Variants in OTUB2 observed in about 807,000 individuals in gnomAD.
OTUB2 encodes ubiquitin thioesterase OTUB2.
Under a neutral mutation model 25.1 loss-of-function variants are expected in OTUB2, and 21 were observed. That is an observed-to-expected ratio of 0.84 (90% CI 0.59 to 1.21). OTUB2 has a LOEUF of 1.21. Among genes scored for constraint, OTUB2 ranks in the 50% most tolerant of loss-of-function variants. The pLI is 0.00. For synonymous variants in OTUB2, 122 were observed against 122.8 expected (o/e 0.99, Z 0.04); for missense variants, 283 against 298.0 (o/e 0.95, Z 0.37).
chr14:94,034,840 G>T (rs148319639), intron 1 of OTUB2, among the ~76,000 whole-genome samples: 19 of 152,228 alleles, frequency 1.2e-4, no homozygotes, highest in African/African-American at 4.3e-4. Flanking sequence ...TTCCCCAGAA[G>T]TCCCCAGCAG....
intron 1 of OTUB2, among the ~76,000 whole-genome samples, chr14:94,028,528 G>A (rs1342980734): frequency 3.1e-4 from 47 of 152,250 alleles, no homozygotes; most frequent in Non-Finnish European, 1.5e-5. Context: ...TAGGGTTCTC[G>A]TGCACTCAAG....
At chr14:94,027,809 G>A (rs1884891708) in intron 1 of OTUB2, among the ~76,000 whole-genome samples, 1 of 152,210 alleles carries the variant, frequency 6.6e-6, no homozygotes, top group Non-Finnish European at 1.5e-5. Context: ...TGCTGCCTGG[G>A]GCATAGCTGG....
intron 3 of OTUB2, chr14:94,039,290 GA>G (rs1885115361): frequency 1.0e-5 from 6 of 590,274 alleles, no homozygotes; most frequent in Admixed American, 3.1e-5. Flanking sequence ...TGGAATCTGT[GA>G]CCTCCCAGAT....
At position 94,044,693 on chromosome 14, in the gene OTUB2, G is replaced by T; in HGVS notation, c.411G>T (p.Leu137=). Residue 137 remains leucine, a synonymous_variant, in exon 5 of 6, where the codon CTG becomes CTT. Transcript: ENST00000203664. ...ASDHIVQFLR[L]LTSAFIRNRA... ...ACCACATCGTGCAGTTCCTGCGCCT[G>T]CTCACGTCGGCCTTCATCAGGAACC... 6.2e-7 allele frequency: 1 copy of T among 1,614,114 alleles called. No individual in the cohort carries two copies. Among genetic ancestry groups the T allele is most frequent in the Non-Finnish European group, 8.5e-7 (1 of 1,180,044 alleles).
chr14:94,034,650 A>G (rs1885017394), intron 1 of OTUB2, among the ~76,000 whole-genome samples: 1 of 152,218 alleles, frequency 6.6e-6, no homozygotes, highest in Admixed American at 6.5e-5. Context: ...TTGCACAATA[A>G]TGGCACCTGT....
intron 1 of OTUB2, among the ~76,000 whole-genome samples, chr14:94,028,749 A>G (rs536427693): frequency 6.6e-6 from 1 of 152,380 alleles, no homozygotes; most frequent in South Asian, 2.1e-4. Context: ...GGACACAAGC[A>G]GTGTCTGAGC....
At chr14:94,045,296 G>A (rs1409840301) in intron 5 of OTUB2, among the ~76,000 whole-genome samples, 2 of 152,040 alleles carry the variant, frequency 1.3e-5, no homozygotes, top group Non-Finnish European at 1.5e-5. Flanking sequence ...TGCAGCACCC[G>A]GACTCGCACC....
chr14:94,037,631 C>T (rs944374929), intron 2 of OTUB2, among the ~76,000 whole-genome samples, 156 bp downstream of exon 2: 2 of 147,634 alleles, frequency 1.4e-5, no homozygotes, highest in Admixed American at 6.8e-5. Flanking sequence ...TTTGCCTTAG[C>T]GATAAATCCT....
At chr14:94,043,195 C>T (rs1885196990) in intron 3 of OTUB2, among the ~76,000 whole-genome samples, 1 of 152,218 alleles carries the variant, frequency 6.6e-6, no homozygotes, top group East Asian at 1.9e-4. Flanking sequence ...CTCTGTATTC[C>T]CTTGTGAACC....
chr14:94,035,169 A>G (rs1885027245), intron 1 of OTUB2, among the ~76,000 whole-genome samples: 1 of 152,090 alleles, frequency 6.6e-6, no homozygotes, highest in East Asian at 1.9e-4. Context: ...TACAGAGTGG[A>G]AGCTTCTGGA....
In OTUB2 at chr14:94,044,653, A is replaced by G; in HGVS notation, c.371A>G (p.Asp124Gly). 3 of 1,614,180 alleles carry G rather than the reference A, an allele frequency of 1.9e-6. No individual in the cohort carries two copies. The highest frequency in any genetic ancestry group is 2.5e-6 in the Non-Finnish European group (3 of 1,180,010). The change falls in exon 5 of 6, where the codon GAC (aspartate) becomes GGC (glycine). Residue 124 changes from aspartate to glycine, a missense_variant. Coordinates refer to ENST00000203664, the MANE Select transcript of OTUB2 (RefSeq NM_023112.4). Reference protein sequence around the residue: ...SVSSLLKVFNDQSASDHIVQF... With the variant: ...SVSSLLKVFNGQSASDHIVQF... ...TCCAGCCTGCTGAAGGTGTTCAACG[A>G]CCAGAGTGCCTCGGACCACATCGTG... is the stretch of plus-strand genomic sequence containing the variant.
intron 1 of OTUB2, among the ~76,000 whole-genome samples, chr14:94,035,165 G>A (rs1346890595): frequency 6.6e-6 from 1 of 152,102 alleles, no homozygotes; most frequent in Admixed American, 6.5e-5. Context: ...TCGGTACAGA[G>A]TGGAAGCTTC....
At chr14:94,027,973 G>A (rs1320003922) in intron 1 of OTUB2, among the ~76,000 whole-genome samples, 1 of 152,208 alleles carries the variant, frequency 6.6e-6, no homozygotes, top group African/African-American at 2.4e-5. Flanking sequence ...TTAGCCACCC[G>A]GGAGCTGGAG....
intron 1 of OTUB2, among the ~76,000 whole-genome samples, chr14:94,028,828 T>A (rs1176084631): frequency 2.0e-5 from 3 of 151,434 alleles, no homozygotes; most frequent in Middle Eastern, 3.4e-3. Flanking sequence ...TCTGAGGGAG[T>A]GGGGGTGTTG....
At chr14:94,044,112 G>A (rs1885215924) in intron 4 of OTUB2, 57 bp downstream of exon 4, 1 of 1,513,702 alleles carries the variant, frequency 6.6e-7, no homozygotes, top group Non-Finnish European at 9.2e-7. Context: ...GTGGGCACTG[G>A]CTGGAGCCCC....
chr14:94,034,710 T>C (rs1341343209), intron 1 of OTUB2, among the ~76,000 whole-genome samples: 2 of 152,234 alleles, frequency 1.3e-5, no homozygotes, highest in Non-Finnish European at 2.9e-5. Flanking sequence ...CAGATCATCT[T>C]CCATGTGTTG....
Position 94,037,387 on chromosome 14 carries a change from C to T in OTUB2, c.11C>T (p.Thr4Ile). The T allele has an allele frequency of 6.3e-7, 1 of 1,583,038 alleles. No individual in the cohort carries two copies. The highest frequency in any genetic ancestry group is 8.7e-7 in the Non-Finnish European group (1 of 1,153,062). The change falls in exon 2 of 6, where the codon ACA (threonine) becomes ATA (isoleucine). Residue 4 changes from threonine to isoleucine, a missense_variant. Coordinates refer to ENST00000203664, the MANE Select transcript of OTUB2 (RefSeq NM_023112.4). MSE[T>I]SFNLISEKCD... Reference sequence around the variant, plus strand: ...TCCTTCCCTATCTTTCAGAGTGAAACATCTTTCAACCTAATATCAGAAAAA... The same window carrying T: ...TCCTTCCCTATCTTTCAGAGTGAAATATCTTTCAACCTAATATCAGAAAAA...
intron 3 of OTUB2, chr14:94,039,291 A>G: frequency 1.7e-6 from 1 of 572,806 alleles, no homozygotes; most frequent in Non-Finnish European, 3.1e-6. Flanking sequence ...GGAATCTGTG[A>G]CCTCCCAGAT....
intron 1 of OTUB2, among the ~76,000 whole-genome samples, chr14:94,035,752 T>C (rs1885044447): frequency 6.6e-6 from 1 of 152,158 alleles, no homozygotes; most frequent in Non-Finnish European, 1.5e-5. Flanking sequence ...CTGACTCAGA[T>C]GAGGTGGGGA....
Sources: allele counts gnomAD v4.1 joint callset (sites outside exome capture counted in the v4.1 genomes callset), GRCh38; gene constraint gnomAD v4.1.1; transcripts MANE v1.5; gene names NCBI Gene and HGNC (gene_info 2026-07-23, HGNC 2026-07-21).